SDK1: variants seen among roughly 807,000 people sequenced by gnomAD.
SDK1 encodes the protein sidekick cell adhesion molecule 1.
A neutral mutation model predicts 245.5 loss-of-function variants in SDK1; 157 were observed. The ratio of observed to expected loss-of-function variants is 0.64; its 90% CI spans 0.56 to 0.73. The LOEUF (loss-of-function observed/expected upper bound fraction) is 0.73, where lower values mean the gene tolerates loss of function less well. SDK1 is among the 30% of genes least tolerant of loss of function. SDK1 has a pLI of 0.00. For missense variants in SDK1, 3,583 were observed against 3,002.3 expected, an observed-to-expected ratio of 1.19 and a Z score of -4.52; for synonymous variants, 1,647 against 1,278.5, an observed-to-expected ratio of 1.29 and a Z score of -6.15.
intron 22 of SDK1, among the ~76,000 whole-genome samples, chr7:4,083,544 C>CCCTCCCTCCCTCCCTT (rs1223773501): frequency 5.0e-5 from 3 of 59,644 alleles, no homozygotes; most frequent in Admixed American, 1.4e-4. Flanking sequence ...CTCCCTCCCT[C>CCCTCCCTCCCTCCCTT]CCTCCCTCCC....
intron 1 of SDK1, among the ~76,000 whole-genome samples, chr7:3,463,011 C>A (rs115531536): frequency 6.6e-6 from 1 of 152,310 alleles, no homozygotes; most frequent in African/African-American, 2.4e-5. Context: ...GTTCTCCCTT[C>A]CTTTCCTCTG....
intron 22 of SDK1, among the ~76,000 whole-genome samples, chr7:4,099,883 C>T (rs1353507391): frequency 5.3e-5 from 8 of 151,610 alleles, no homozygotes; most frequent in Non-Finnish European, 1.0e-4. Flanking sequence ...TCACCGAGCT[C>T]GCTGGCATGT....
intron 5 of SDK1, among the ~76,000 whole-genome samples, chr7:3,866,133 C>G (rs991752187): frequency 1.1e-4 from 17 of 152,322 alleles, no homozygotes; most frequent in African/African-American, 3.6e-4. Flanking sequence ...AAAGTCCTTT[C>G]AGTTCTTGGG....
At chr7:3,728,934 TA>T (rs935995320) in intron 4 of SDK1, among the ~76,000 whole-genome samples, 19 of 149,602 alleles carry the variant, frequency 1.3e-4, no homozygotes, top group African/African-American at 1.7e-4. Flanking sequence ...CCTATCTCTC[TA>T]AAAAAAAAAT....
At chr7:4,126,647 G>C (rs1162120580) in intron 25 of SDK1, among the ~76,000 whole-genome samples, 1 of 152,354 alleles carries the variant, frequency 6.6e-6, no homozygotes, top group Non-Finnish European at 1.5e-5. Context: ...CTTGAACCCA[G>C]GAGGCGAAGT....
chr7:4,139,190 C>CG (rs1562870438), intron 28 of SDK1, among the ~76,000 whole-genome samples: 56 of 152,276 alleles, frequency 3.7e-4, no homozygotes, highest in South Asian at 1.0e-3. Context: ...ACCCACCCCC[C>CG]ATTTCCTGGA....
At chr7:4,194,542 T>C (rs1033377974) in intron 35 of SDK1, among the ~76,000 whole-genome samples, 1 of 151,998 alleles carries the variant, frequency 6.6e-6, no homozygotes, top group Non-Finnish European at 1.5e-5. Context: ...CACAATAGGC[T>C]ATCTGCAAGC....
intron 4 of SDK1, among the ~76,000 whole-genome samples, chr7:3,772,376 C>G (rs1023748283): frequency 6.6e-6 from 1 of 152,066 alleles, no homozygotes; most frequent in African/African-American, 2.4e-5. Flanking sequence ...CAAAGTGCTG[C>G]TCTTTTATAT....
At chr7:3,909,535 A>T (rs1228173519) in intron 5 of SDK1, among the ~76,000 whole-genome samples, 3 of 152,328 alleles carry the variant, frequency 2.0e-5, no homozygotes, top group Middle Eastern at 3.4e-3. Flanking sequence ...TCCCAAAGAC[A>T]GTAAGCTCGG....
At chr7:3,757,850 G>C (rs900821864) in intron 4 of SDK1, among the ~76,000 whole-genome samples, 2 of 152,154 alleles carry the variant, frequency 1.3e-5, no homozygotes, top group Non-Finnish European at 2.9e-5. Flanking sequence ...GGGGCTGAAA[G>C]TTCCAAGTTT....
At position 4,266,887 on chromosome 7, in the gene SDK1, G is replaced by A. The variant is rs1358111318; in HGVS notation, c.*1503G>A. 3.0e-6 allele frequency: 3 copies of A among 985,352 alleles called. No individual in the cohort carries two copies. The highest frequency in any genetic ancestry group is 1.1e-4 in the East Asian group (1 of 8,808). 61.0% of individuals were successfully genotyped at this position (985,352 alleles called of 1,614,324 possible). A position where few individuals can be genotyped will look rare whatever the true frequency, so the allele number is the denominator to read the frequency against. On this transcript the variant is annotated 3_prime_UTR_variant, in exon 45 of 45. Transcript: ENST00000404826. ...CAGTGCCCCCCAGTGCACGGCAAAC[G>A]GGCAGGTGCCGTTCCCCCAGTGACC...
chr7:3,590,891 T>G (rs796829952), intron 1 of SDK1, among the ~76,000 whole-genome samples: 25 of 150,828 alleles, frequency 1.7e-4, no homozygotes, highest in African/African-American at 5.8e-4. Context: ...CAAGCGATCC[T>G]CCTGCCTCAG....
intron 4 of SDK1, among the ~76,000 whole-genome samples, chr7:3,782,859 C>T (rs1780786911): frequency 2.0e-5 from 3 of 152,036 alleles, no homozygotes; most frequent in Admixed American, 6.6e-5. Context: ...TCTGTACTTC[C>T]AAAAATCTTT....
In SDK1 at chr7:4,223,849, G is replaced by A. The variant is rs1267421578; in HGVS notation, c.5827+2485G>A. On this transcript the variant is annotated intron_variant, in intron 40 of 44. Coordinates refer to ENST00000404826, the MANE Select transcript of SDK1 (RefSeq NM_152744.4). Reference sequence around the variant, plus strand: ...GACACTTCCAGGAGTACTTTCGTATGACTTCCCCGCCATTGCAGATATTTC... The same window carrying A: ...GACACTTCCAGGAGTACTTTCGTATAACTTCCCCGCCATTGCAGATATTTC... Among the ~76,000 whole-genome samples the A allele has an allele frequency of 2.0e-5, 3 of 152,154 alleles. No individual in the cohort carries two copies. In the East Asian group the frequency reaches 5.8e-4, roughly 29 times the overall value.
At chr7:3,597,835 T>G (rs1781115502) in intron 1 of SDK1, among the ~76,000 whole-genome samples, 1 of 152,218 alleles carries the variant, frequency 6.6e-6, no homozygotes, top group Non-Finnish European at 1.5e-5. Context: ...GTTTGTTTCT[T>G]TTTATTGATG....
chr7:3,664,289 C>T (rs970457933), intron 4 of SDK1, among the ~76,000 whole-genome samples: 1 of 152,132 alleles, frequency 6.6e-6, no homozygotes, highest in Non-Finnish European at 1.5e-5. Context: ...ATGAAAAACA[C>T]CAGGCTGTTA....
At chr7:4,065,694 G>GTTTTGTT (rs1779842906) in intron 19 of SDK1, among the ~76,000 whole-genome samples, 2 of 66,758 alleles carry the variant, frequency 3.0e-5, no homozygotes, top group Non-Finnish European at 3.7e-5. Context: ...AGTGGTTGTT[G>GTTTTGTT]TTTTTTTTTT....
At chr7:3,789,406 C>T (rs997833066) in intron 4 of SDK1, among the ~76,000 whole-genome samples, 1 of 152,236 alleles carries the variant, frequency 6.6e-6, no homozygotes, top group East Asian at 1.9e-4. Flanking sequence ...CCTCAGCCTC[C>T]CAAAGTGCTG....
chr7:3,472,438 G>A (rs1179150690), intron 1 of SDK1, among the ~76,000 whole-genome samples: 1 of 151,988 alleles, frequency 6.6e-6, no homozygotes, highest in South Asian at 2.1e-4. Context: ...CTAATTAGAG[G>A]GACAAGGCTA....
Sources: gnomAD v4.1 joint callset for allele counts (sites outside exome capture counted in the v4.1 genomes callset) on GRCh38, gnomAD v4.1.1 for gene constraint, MANE v1.5 for transcripts, NCBI Gene and HGNC (gene_info 2026-07-23, HGNC 2026-07-21) for gene names.